GRIP1: variants seen among roughly 807,000 people sequenced by gnomAD.
The protein encoded by GRIP1 is glutamate receptor interacting protein 1, also known as glutamate receptor-interacting protein 1.
In GRIP1, 45 loss-of-function variants were observed where a neutral mutation model predicts 129.9. The ratio of observed to expected loss-of-function variants is 0.35; its 90% confidence interval spans 0.27 to 0.44. The LOEUF (loss-of-function observed/expected upper bound fraction) is 0.44, where lower values mean the gene tolerates loss of function less well. Among genes scored for constraint, GRIP1 ranks in the 20% least tolerant of loss-of-function variants. GRIP1 has a pLI of 1.00. For synonymous variants in GRIP1, 530 were observed against 520.8 expected (o/e 1.02, Z -0.24); for missense variants, 1,196 against 1,396.8 (o/e 0.86, Z 2.29).
chr12:66,570,897 T>A (rs2062938705), intron 2 of GRIP1: 1 of 152,162 alleles, frequency 6.6e-6, no homozygotes, highest in East Asian at 1.9e-4. Flanking sequence ...ATACATTTGA[T>A]TCTCACAGAA....
intron 11 of GRIP1, among the ~76,000 whole-genome samples, chr12:66,451,383 G>GTTTGTTTTTTTTTTTTTTTTTTTTTTTT (rs2058794233): frequency 2.3e-5 from 1 of 42,650 alleles, no homozygotes; most frequent in Non-Finnish European, 4.2e-5. Flanking sequence ...ATTATAATCT[G>GTTTGTTTTTTTTTTTTTTTTTTTTTTTT]TTTTTTTTTT....
chr12:66,771,083 ACT>A (rs2136722230), intron 1 of GRIP1, among the ~76,000 whole-genome samples: 1 of 152,024 alleles, frequency 6.6e-6, no homozygotes. Context: ...ACAGGGCGAG[ACT>A]CTGTCTCAAA....
chr12:66,362,327 AT>A (rs936532592), intron 23 of GRIP1, among the ~76,000 whole-genome samples: 6 of 151,286 alleles, frequency 4.0e-5, no homozygotes, highest in African/African-American at 1.5e-4. Flanking sequence ...CTAATTTTGT[AT>A]TTTTAGTAGA....
At chr12:66,775,440 T>G (rs2037949447) in intron 1 of GRIP1, among the ~76,000 whole-genome samples, 1 of 152,280 alleles carries the variant, frequency 6.6e-6, no homozygotes, top group African/African-American at 2.4e-5. Flanking sequence ...TGTAATATAG[T>G]TAGAGGAAAT....
upstream of GRIP1, chr12:66,679,200 AGCAGGGAC>A (rs1269194452): frequency 8.3e-7 from 1 of 1,210,282 alleles, no homozygotes; most frequent in Non-Finnish European, 1.1e-6. Flanking sequence ...AATTGTACAA[AGCAGGGAC>A]GACACTGTGT....
At chr12:66,625,890 G>A (rs1355606048) in intron 1 of GRIP1, among the ~76,000 whole-genome samples, 1 of 151,992 alleles carries the variant, frequency 6.6e-6, no homozygotes, top group Non-Finnish European at 1.5e-5. Context: ...AGAATTTCGG[G>A]TACTGAGAGT....
At chr12:66,379,555 C>T in intron 19 of GRIP1, 119 bp from the exon 20 acceptor site, 1 of 994,678 alleles carries the variant, frequency 1.0e-6, no homozygotes, top group South Asian at 1.3e-5. Flanking sequence ...CAATAGTGAA[C>T]ACATAGTGTG....
intron 1 of GRIP1, among the ~76,000 whole-genome samples, chr12:66,935,143 T>C (rs1404129807): frequency 2.0e-5 from 3 of 152,212 alleles, no homozygotes; most frequent in Non-Finnish European, 4.4e-5. Flanking sequence ...ATAGGACTTT[T>C]TGGCCTCAAT....
At chr12:67,030,044 CAAA>C (rs11330637) in intron 1 of GRIP1, among the ~76,000 whole-genome samples, 66 of 132,986 alleles carry the variant, frequency 5.0e-4, no homozygotes, top group East Asian at 8.6e-4. Flanking sequence ...ACTAAAAATA[CAAA>C]AAAAAAAAAA....
At position 66,371,847 on chromosome 12, in the gene GRIP1, G is replaced by C. The variant is rs751737416; in HGVS notation, c.2859C>G (p.Ser953Arg). The C allele has an allele frequency of 6.2e-7, 1 of 1,613,900 alleles. No individual in the cohort carries two copies. The highest frequency in any genetic ancestry group is 8.5e-7 in the Non-Finnish European group (1 of 1,179,978). The change falls in exon 23 of 25, where the codon AGC (serine) becomes AGG (arginine). Residue 953 changes from serine (S) to arginine (R), a missense_variant. By Grantham distance (110) the Ser-to-Arg change is moderately radical. Around this residue, in one of 5 missense-constraint regions of GRIP1, gnomAD observed 427 missense variants for 463.3 expected, o/e 0.92. Coordinates refer to ENST00000359742, the MANE Select transcript of GRIP1 (RefSeq NM_001366722.1). ...GCCGCGAGCTGCTGCGCTCCTGGAAGCTGGCCTGTCGCCCCAGCTGACTGC... is the reference window on the plus strand; with the variant it reads ...GCCGCGAGCTGCTGCGCTCCTGGAACCTGGCCTGTCGCCCCAGCTGACTGC... Reference protein sequence around the residue: ...TPRSQLGRQASFQERSSSRPH... With the variant: ...TPRSQLGRQARFQERSSSRPH...
At chr12:67,000,929 C>T (rs1195797714) in intron 1 of GRIP1, among the ~76,000 whole-genome samples, 2 of 152,178 alleles carry the variant, frequency 1.3e-5, no homozygotes, top group Admixed American at 1.3e-4. Context: ...TAATATACTC[C>T]ATAAGATATC....
At chr12:66,547,616 A>G (rs79518039) in intron 2 of GRIP1, among the ~76,000 whole-genome samples, 1,833 of 152,318 alleles carry the variant, frequency 0.012, 43 homozygotes, top group East Asian at 0.1. Context: ...CTAGTGCTAC[A>G]AGTAACGACC....
intron 23 of GRIP1, 85 bp from the exon 24 acceptor site, chr12:66,353,648 C>CACACTGGACACTACTATGCGTCA: frequency 8.5e-7 from 1 of 1,179,378 alleles, no homozygotes; most frequent in Non-Finnish European, 1.3e-6. Context: ...TCTTTTCACA[C>CACACTGGACACTACTATGCGTCA]GAATTTAGTC....
At chr12:67,048,441 C>T (rs992664517) in intron 1 of GRIP1, among the ~76,000 whole-genome samples, 16 of 151,898 alleles carry the variant, frequency 1.1e-4, no homozygotes, top group African/African-American at 3.4e-4. Context: ...TATATGTAAA[C>T]GTATACATAT....
At chr12:66,580,728 C>T (rs2063342381) in intron 2 of GRIP1, among the ~76,000 whole-genome samples, 1 of 151,064 alleles carries the variant, frequency 6.6e-6, no homozygotes, top group South Asian at 2.1e-4. Flanking sequence ...TATATATGCA[C>T]CCAATACAGG....
At chr12:66,999,575 T>C (rs954148027) in intron 1 of GRIP1, among the ~76,000 whole-genome samples, 3 of 152,082 alleles carry the variant, frequency 2.0e-5, no homozygotes, top group African/African-American at 7.2e-5. Flanking sequence ...AAAGAGAAGA[T>C]TAAGTAAGTG....
intron 1 of GRIP1, among the ~76,000 whole-genome samples, chr12:66,655,839 T>TCTGCC (rs1246649600): frequency 6.6e-6 from 1 of 152,146 alleles, no homozygotes. Flanking sequence ...GACCTTGTGA[T>TCTGCC]CTGCCCGTCT....
At chr12:66,349,350 G>T in intron 24 of GRIP1, 104 bp from the exon 25 acceptor site, 1 of 854,044 alleles carries the variant, frequency 1.2e-6, no homozygotes. Flanking sequence ...TCATGAAGGT[G>T]CTAAAATGAG....
chr12:66,463,136 C>G (rs1410061047), intron 8 of GRIP1, 43 bp from the exon 9 acceptor site: 1 of 1,491,274 alleles, frequency 6.7e-7, no homozygotes. Flanking sequence ...GTGCCTTCCT[C>G]TTTGGAATCT....
Sources: gnomAD v4.1 joint callset for allele counts (sites outside exome capture counted in the v4.1 genomes callset) on GRCh38, gnomAD v4.1.1 for gene constraint, gnomAD v4.1.1 regional missense constraint, MANE v1.5 for transcripts, NCBI Gene and HGNC (gene_info 2026-07-23, HGNC 2026-07-21) for gene names.